LARGE1: variants seen among roughly 807,000 people sequenced by gnomAD.
LARGE1 encodes the protein LARGE xylosyl- and glucuronyltransferase 1, also known as xylosyl- and glucuronyltransferase LARGE1.
In LARGE1, 43 loss-of-function variants were observed where a neutral mutation model predicts 87.6. The ratio of observed to expected loss-of-function variants is 0.49; its 90% confidence interval spans 0.38 to 0.63. The LOEUF (loss-of-function observed/expected upper bound fraction) is 0.63. Among genes scored for constraint, LARGE1 ranks in the 30% least tolerant of loss-of-function variants. The probability of loss-of-function intolerance (pLI) is 0.00; values close to 1 mark genes in which losing one functional copy is unlikely to be tolerated. For missense variants in LARGE1, 802 were observed against 1,000.2 expected (o/e 0.80, Z 2.67); for synonymous variants, 434 against 394.6 (o/e 1.10, Z -1.18).
chr22:33,263,136 C>G (rs897538110), intron 11 of LARGE1, among the ~76,000 whole-genome samples: 1 of 152,040 alleles, frequency 6.6e-6, no homozygotes, highest in Non-Finnish European at 1.5e-5. Flanking sequence ...CCTTGTGATT[C>G]GCCACCTCAG....
intron 2 of LARGE1, 57 bp downstream of exon 2, chr22:33,761,314 G>T: frequency 1.5e-6 from 2 of 1,318,434 alleles, no homozygotes; most frequent in South Asian, 1.2e-5. Context: ...AGGGTTCTAT[G>T]ACAGCTAATG....
chr22:33,838,445 C>G (rs2063172728), intron 1 of LARGE1, among the ~76,000 whole-genome samples: 1 of 152,158 alleles, frequency 6.6e-6, no homozygotes, highest in Admixed American at 6.6e-5. Context: ...TTGAGACCAG[C>G]CTGAGCAACA....
At chr22:33,825,772 G>A (rs757069088) in intron 1 of LARGE1, among the ~76,000 whole-genome samples, 11 of 152,172 alleles carry the variant, frequency 7.2e-5, no homozygotes, top group Non-Finnish European at 1.2e-4. Flanking sequence ...GAGAGGGAAC[G>A]AAGCCCACTG....
At chr22:33,911,028 G>A (rs980866597) in intron 1 of LARGE1, among the ~76,000 whole-genome samples, 2 of 152,210 alleles carry the variant, frequency 1.3e-5, no homozygotes, top group African/African-American at 4.8e-5. Context: ...TCTGTGAAGT[G>A]GGAGAGTGAG....
intron 11 of LARGE1, among the ~76,000 whole-genome samples, chr22:33,306,861 C>CAAA (rs200525916): frequency 2.0e-5 from 2 of 101,362 alleles, no homozygotes; most frequent in African/African-American, 3.3e-5. Flanking sequence ...GAATCTGTCT[C>CAAA]AAAAAAAAAA....
the LARGE1 span, chr22:33,108,550 G>T: frequency 3.3e-5 from 5 of 152,196 alleles, no homozygotes; most frequent in African/African-American, 1.2e-4. Flanking sequence ...CGGTGGGGCA[G>T]GAAGGATGGG....
At chr22:33,496,211 C>T (rs190734431) in intron 6 of LARGE1, among the ~76,000 whole-genome samples, 72 of 152,238 alleles carry the variant, frequency 4.7e-4, no homozygotes, top group African/African-American at 1.5e-3. Flanking sequence ...GCCGTGCTGG[C>T]AGCTGATTAG....
At chr22:33,589,728 G>A (rs1180200870) in intron 5 of LARGE1, among the ~76,000 whole-genome samples, 1 of 152,122 alleles carries the variant, frequency 6.6e-6, no homozygotes, top group Non-Finnish European at 1.5e-5. Context: ...TCCAGTGACA[G>A]CTTTGGCCAC....
chr22:33,607,931 C>T (rs2079313015), intron 4 of LARGE1, among the ~76,000 whole-genome samples: 1 of 152,196 alleles, frequency 6.6e-6, no homozygotes, highest in Admixed American at 6.5e-5. Context: ...GGCATATTTT[C>T]CCTACAGCTT....
At chr22:33,422,340 T>C (rs1168279029) in intron 7 of LARGE1, among the ~76,000 whole-genome samples, 1 of 152,194 alleles carries the variant, frequency 6.6e-6, no homozygotes, top group Non-Finnish European at 1.5e-5. Context: ...AGTCATTTCA[T>C]TGGCTCACGG....
chr22:33,743,395 CA>C (rs1299152643), intron 2 of LARGE1, among the ~76,000 whole-genome samples: 4 of 152,186 alleles, frequency 2.6e-5, no homozygotes, highest in Non-Finnish European at 5.9e-5. Context: ...ACCTCTCTGC[CA>C]GTATCCATTT....
At position 33,391,991 on chromosome 22, in the gene LARGE1, G is replaced by A. The variant is rs191242907; in HGVS notation, c.893-7687C>T. ...ACACTATGTTGGCCAGGCTGCTCTC[G>A]AACTCCTGACCTCATGATCCACCTG... On this transcript the variant is annotated intron_variant, in intron 7 of 14. Transcript: ENST00000397394. Among the ~76,000 whole-genome samples the A allele has an allele frequency of 4.4e-3, 669 of 151,730 alleles. 5 individuals carry two copies. Among genetic ancestry groups the A allele is most frequent in the African/African-American group, 0.016 (648 of 41,402 alleles).
chr22:33,760,346 G>A (rs2084677264), intron 2 of LARGE1, among the ~76,000 whole-genome samples: 1 of 152,162 alleles, frequency 6.6e-6, no homozygotes, highest in African/African-American at 2.4e-5. Context: ...TTTCTGGAAA[G>A]TAGCAGGGAT....
chr22:33,240,160 T>A (rs1366235388), intron 11 of LARGE1, among the ~76,000 whole-genome samples: 1 of 152,202 alleles, frequency 6.6e-6, no homozygotes, highest in Admixed American at 6.5e-5. Flanking sequence ...CACCAGCATT[T>A]TGTTTTGTCT....
At chr22:33,863,438 C>G (rs9621784) in intron 1 of LARGE1, among the ~76,000 whole-genome samples, 1 of 151,904 alleles carries the variant, frequency 6.6e-6, no homozygotes, top group Non-Finnish European at 1.5e-5. Flanking sequence ...CTAGAAGACC[C>G]TGTAAGTTCA....
At chr22:33,429,690 GT>G (rs1476584532) in intron 7 of LARGE1, among the ~76,000 whole-genome samples, 20 of 152,160 alleles carry the variant, frequency 1.3e-4, no homozygotes, top group African/African-American at 4.3e-4. Context: ...GAAACGAAAT[GT>G]ATACACCAGG....
At chr22:33,278,553 T>TCTCTCACA (rs1304691630) in intron 13 of LARGE1, among the ~76,000 whole-genome samples, 39 of 148,776 alleles carry the variant, frequency 2.6e-4, no homozygotes, top group African/African-American at 6.0e-4. Context: ...TCTCTCTCTC[T>TCTCTCACA]CACACACACA....
At chr22:33,453,079 T>C (rs1252921409) in intron 6 of LARGE1, among the ~76,000 whole-genome samples, 2 of 152,172 alleles carry the variant, frequency 1.3e-5, no homozygotes, top group Non-Finnish European at 2.9e-5. Context: ...AACTTCATCA[T>C]CTCTACAGAC....
chr22:33,688,736 G>A (rs1489266737), intron 2 of LARGE1, among the ~76,000 whole-genome samples: 2 of 152,024 alleles, frequency 1.3e-5, no homozygotes, highest in African/African-American at 2.4e-5. Flanking sequence ...TCCAGATCTT[G>A]GTCTCCTTTG....
Sources: gnomAD v4.1 joint callset for allele counts (sites outside exome capture counted in the v4.1 genomes callset) on GRCh38, gnomAD v4.1.1 for gene constraint, MANE v1.5 for transcripts, NCBI Gene and HGNC (gene_info 2026-07-23, HGNC 2026-07-21) for gene names.